Variants in PLEKHA7 observed in about 807,000 individuals in gnomAD.
PLEKHA7 encodes the protein pleckstrin homology domain-containing family A member 7.
Under a neutral mutation model 170.0 loss-of-function variants are expected in PLEKHA7, and 104 were observed. The ratio of observed to expected loss-of-function variants is 0.61; its 90% confidence interval spans 0.52 to 0.72. PLEKHA7 has a LOEUF of 0.72. PLEKHA7 is among the 30% of genes least tolerant of loss of function. PLEKHA7 has a pLI of 0.00. For missense variants in PLEKHA7, 1,615 were observed against 1,671.7 expected (o/e 0.97, Z 0.59); for synonymous variants, 648 against 660.8 (o/e 0.98, Z 0.30).
chr11:16,953,924 A>G (rs555771571), intron 3 of PLEKHA7, among the ~76,000 whole-genome samples: 23 of 152,336 alleles, frequency 1.5e-4, no homozygotes, highest in Non-Finnish European at 3.1e-4. Flanking sequence ...TAAAACAATA[A>G]TTTGCCCTTT....
At chr11:16,905,896 G>C (rs922389673) in intron 3 of PLEKHA7, among the ~76,000 whole-genome samples, 4 of 152,178 alleles carry the variant, frequency 2.6e-5, no homozygotes, top group African/African-American at 9.7e-5. Context: ...TGAGGCTCTA[G>C]AAGGTTAAGT....
intron 3 of PLEKHA7, among the ~76,000 whole-genome samples, chr11:16,985,869 C>A (rs1229390522): frequency 6.6e-6 from 1 of 152,236 alleles, no homozygotes; most frequent in African/African-American, 2.4e-5. Flanking sequence ...ACAACACTGT[C>A]AGGCTCAGAA....
chr11:16,930,089 C>A (rs779903933), intron 3 of PLEKHA7, among the ~76,000 whole-genome samples: 1 of 152,118 alleles, frequency 6.6e-6, no homozygotes, highest in African/African-American at 2.4e-5. Flanking sequence ...GATGCTTTGG[C>A]GCAAGGCTGT....
intron 8 of PLEKHA7, among the ~76,000 whole-genome samples, chr11:16,849,811 G>A (rs184970837): frequency 1.1e-4 from 16 of 152,230 alleles, no homozygotes; most frequent in African/African-American, 2.9e-4. Context: ...AGTATTCCAC[G>A]CAACATGACA....
Position 16,826,574 on chromosome 11 carries a change from C to G in PLEKHA7, c.889G>C (p.Glu297Gln). ...TTGGCCTGGGGGACAGCCTGCCGCT[C>G]CACCTTCTCCATATCCCTGCAATGA... ...SSLKRDMEKV[E>Q]RQAVPQANHT... Residue 297 changes from glutamate to glutamine, a missense_variant, in exon 10 of 27, where the codon GAG becomes CAG. Physicochemically the swap from Glu to Gln is conservative, Grantham distance 29. Coordinates refer to ENST00000531066, the MANE Select transcript of PLEKHA7 (RefSeq NM_001329630.2). 2 of 1,613,152 alleles carry G rather than the reference C, an allele frequency of 1.2e-6. No individual in the cohort carries two copies. The highest frequency in any genetic ancestry group is 2.2e-5 in the South Asian group (2 of 91,026).
chr11:16,779,980 A>AG lies in PLEKHA7; in HGVS notation c.3794-961dup, dbSNP rs11359003. ...TTGTTTTTTCATCTCTAAAACGGGG[A>AG]GGGGGGGGGGAATATCTTCATAGGG... On this transcript the variant is annotated intron_variant, in intron 26 of 26. Transcript: ENST00000531066. 2.4e-3 allele frequency among the ~76,000 whole-genome samples: 328 copies of AG among 136,246 alleles called. 1 individual carries two copies. The highest frequency in any genetic ancestry group is 8.7e-3 in the African/African-American group (290 of 33,182). The allele number at this position is 136,246 out of a possible 152,430, so 89.4% of individuals were successfully genotyped here. A position where few individuals can be genotyped will look rare whatever the true frequency, so the allele number is the denominator to read the frequency against.
chr11:16,802,212 A>G (rs957554390), intron 15 of PLEKHA7, among the ~76,000 whole-genome samples: 1 of 152,252 alleles, frequency 6.6e-6, no homozygotes, highest in Non-Finnish European at 1.5e-5. Flanking sequence ...AAAAGGAAAA[A>G]AATACTTTAA....
At chr11:16,795,163 C>A in intron 17 of PLEKHA7, 145 bp from the exon 18 acceptor site, 1 of 626,030 alleles carries the variant, frequency 1.6e-6, no homozygotes. Flanking sequence ...ACCAAGCCTG[C>A]TTCATAGCTT....
chr11:16,887,446 C>T (rs533101023), intron 3 of PLEKHA7, among the ~76,000 whole-genome samples: 2 of 152,182 alleles, frequency 1.3e-5, no homozygotes, highest in African/African-American at 2.4e-5. Flanking sequence ...GATGCCGAGT[C>T]GAAGCTGGAC....
intron 3 of PLEKHA7, among the ~76,000 whole-genome samples, chr11:16,892,612 CCAG>C (rs1856728532): frequency 7.6e-6 from 1 of 132,026 alleles, no homozygotes; most frequent in Non-Finnish European, 1.6e-5. Context: ...TGCCCAGCTT[CCAG>C]CTTCTTTTTT....
intron 16 of PLEKHA7, 84 bp from the exon 17 acceptor site, chr11:16,801,159 G>C: frequency 8.6e-7 from 1 of 1,169,454 alleles, no homozygotes; most frequent in South Asian, 1.2e-5. Flanking sequence ...TCCTGACCAT[G>C]CTGACCCAGC....
At chr11:16,950,458 G>C (rs953447275) in intron 3 of PLEKHA7, among the ~76,000 whole-genome samples, 2 of 151,668 alleles carry the variant, frequency 1.3e-5, no homozygotes, top group African/African-American at 2.4e-5. Flanking sequence ...AAAGAAGAGG[G>C]TATGTATGTC....
intron 3 of PLEKHA7, among the ~76,000 whole-genome samples, chr11:16,982,749 C>A (rs1347834731): frequency 2.7e-5 from 4 of 148,734 alleles, no homozygotes; most frequent in Non-Finnish European, 4.5e-5. Context: ...ACCTCTCTTA[C>A]CTCTCAGACT....
chr11:16,783,066 G>A (rs1200061250), intron 25 of PLEKHA7, among the ~76,000 whole-genome samples, 170 bp from the exon 26 acceptor site: 2 of 152,184 alleles, frequency 1.3e-5, no homozygotes, highest in African/African-American at 2.4e-5. Flanking sequence ...ACACCCAAAC[G>A]GTCCCAGCTT....
chr11:16,998,784 A>T (rs1864493907), intron 3 of PLEKHA7, among the ~76,000 whole-genome samples: 1 of 152,180 alleles, frequency 6.6e-6, no homozygotes, highest in African/African-American at 2.4e-5. Flanking sequence ...GTTATTATAG[A>T]TATTTAGCTT....
rs1022486115 is a variant in PLEKHA7, at chr11:16,811,357, T to C, written c.2007+1756A>G. Among the ~76,000 whole-genome samples the C allele has an allele frequency of 3.9e-5, 6 of 152,336 alleles. No individual in the cohort carries two copies. In the South Asian group the frequency reaches 6.2e-4, roughly 16 times the overall value. On this transcript the variant is annotated intron_variant, in intron 13 of 26. Coordinates refer to ENST00000531066, the MANE Select transcript of PLEKHA7 (RefSeq NM_001329630.2). The stretch of plus-strand genomic sequence containing the variant: ...CTCTCCCATAGGCCCAGGTGCACTA[T>C]GGATGCTCTACAGGTATGTCTGAGT...
intron 13 of PLEKHA7, among the ~76,000 whole-genome samples, chr11:16,809,424 C>T (rs1186802218): frequency 1.3e-5 from 2 of 152,138 alleles, no homozygotes; most frequent in Non-Finnish European, 2.9e-5. Flanking sequence ...AGATGCCAAG[C>T]AGGGAGACTC....
chr11:16,906,974 G>A (rs1390789660), intron 3 of PLEKHA7, among the ~76,000 whole-genome samples: 1 of 148,826 alleles, frequency 6.7e-6, no homozygotes, highest in East Asian at 2.0e-4. Context: ...CTGCCCGGCC[G>A]CCCTGTCTGA....
chr11:16,876,936 G>T (rs144264057), intron 3 of PLEKHA7, among the ~76,000 whole-genome samples: 13 of 152,258 alleles, frequency 8.5e-5, no homozygotes, highest in African/African-American at 3.1e-4. Context: ...AGTGGGGGTC[G>T]GAGCACCCTG....
Sources: gnomAD v4.1 joint callset for allele counts (sites outside exome capture counted in the v4.1 genomes callset) on GRCh38, gnomAD v4.1.1 for gene constraint, MANE v1.5 for transcripts, NCBI Gene and HGNC (gene_info 2026-07-23, HGNC 2026-07-21) for gene names.